MMP16: variants seen among roughly 807,000 people sequenced by gnomAD.
The protein encoded by MMP16 is matrix metalloproteinase-16.
MMP16 carries 12 observed loss-of-function variants against 67.8 expected under a neutral mutation model. The observed-to-expected ratio is 0.18, with a 90% CI of 0.11 to 0.29. MMP16 has a LOEUF of 0.29. Among genes scored for constraint, MMP16 ranks in the 10% least tolerant of loss-of-function variants. The pLI is 1.00. For synonymous variants in MMP16, 249 were observed against 255.9 expected (o/e 0.97, Z 0.26); for missense variants, 475 against 765.7 (o/e 0.62, Z 4.48).
chr8:88,176,102 G>A (rs761074600), intron 3 of MMP16, among the ~76,000 whole-genome samples: 2 of 152,048 alleles, frequency 1.3e-5, no homozygotes, highest in East Asian at 1.9e-4. Flanking sequence ...TTTGCACACC[G>A]GGACACTAAG....
chr8:88,150,851 C>G (rs1333712034), intron 4 of MMP16, among the ~76,000 whole-genome samples: 1 of 147,618 alleles, frequency 6.8e-6, no homozygotes, highest in Non-Finnish European at 1.5e-5. Context: ...GGATCAAATT[C>G]ACACATAACA....
intron 8 of MMP16, among the ~76,000 whole-genome samples, chr8:88,049,082 A>G (rs1722377075): frequency 6.6e-6 from 1 of 152,190 alleles, no homozygotes. Context: ...AGTTTACACC[A>G]AAAGGGAAAC....
chr8:88,138,879 G>A (rs2118496419), intron 4 of MMP16, among the ~76,000 whole-genome samples: 1 of 152,038 alleles, frequency 6.6e-6, no homozygotes, highest in South Asian at 2.1e-4. Context: ...ATCTCAATGG[G>A]AATGTTGGTT....
chr8:88,094,685 C>T (rs929516594), intron 6 of MMP16, among the ~76,000 whole-genome samples: 1 of 151,664 alleles, frequency 6.6e-6, no homozygotes, highest in African/African-American at 2.4e-5. Context: ...AGTAATACAT[C>T]TCAAAAGAAG....
chr8:88,199,947 T>A (rs1809315633), intron 1 of MMP16, among the ~76,000 whole-genome samples: 1 of 152,030 alleles, frequency 6.6e-6, no homozygotes, highest in African/African-American at 2.4e-5. Context: ...TTATCCATTC[T>A]TGTGTGCACT....
At chr8:88,111,672 T>C (rs944815862) in intron 6 of MMP16, among the ~76,000 whole-genome samples, 1 of 151,706 alleles carries the variant, frequency 6.6e-6, no homozygotes, top group Admixed American at 6.6e-5. Flanking sequence ...ATGCATTGTT[T>C]TACAATGTCA....
chr8:88,317,719 T>C (rs1811395561), intron 1 of MMP16, among the ~76,000 whole-genome samples: 1 of 152,160 alleles, frequency 6.6e-6, no homozygotes, highest in African/African-American at 2.4e-5. Context: ...AGTCCTTCTT[T>C]GATAGGTTAA....
At chr8:88,180,409 T>C (rs901362507) in intron 3 of MMP16, among the ~76,000 whole-genome samples, 2 of 151,534 alleles carry the variant, frequency 1.3e-5, no homozygotes, top group Non-Finnish European at 2.9e-5. Flanking sequence ...GCCTCAAATA[T>C]GAGGATACAG....
chr8:88,175,855 C>G (rs770879018), intron 3 of MMP16, among the ~76,000 whole-genome samples: 12 of 152,116 alleles, frequency 7.9e-5, no homozygotes, highest in Non-Finnish European at 1.2e-4. Flanking sequence ...CTCACGAGAT[C>G]AGATGGTTTT....
chr8:88,303,470 CT>C, intron 1 of MMP16, among the ~76,000 whole-genome samples: 1 of 152,338 alleles, frequency 6.6e-6, no homozygotes, highest in Non-Finnish European at 1.5e-5. Flanking sequence ...AGCCAGACTG[CT>C]TCTTTAAGTG....
intron 1 of MMP16, among the ~76,000 whole-genome samples, chr8:88,321,011 C>A (rs1811452215): frequency 6.6e-6 from 1 of 152,022 alleles, no homozygotes; most frequent in African/African-American, 2.4e-5. Context: ...AAATAACTTC[C>A]CCAAGTAAAA....
rs1229568696 is a variant in MMP16, at chr8:88,116,621, T to C, written c.969A>G (p.Pro323=). 1 of 1,613,782 alleles carries C rather than the reference T, an allele frequency of 6.2e-7. No individual in the cohort carries two copies. The highest frequency in any genetic ancestry group is 1.3e-5 in the African/African-American group (1 of 74,912). Residue 323 remains proline (P), a synonymous_variant, in exon 6 of 10, where the codon CCA becomes CCG. Transcript: ENST00000286614. ...PPADPRKNDR[P]KPPRPPTGRP... The stretch of plus-strand genomic sequence containing the variant: ...TGCCGGTTGGAGGCCGAGGAGGTTT[T>C]GGCCTGTCATTTTTCCTTGGGTCAG...
chr8:88,209,379 T>A (rs1173673448), intron 1 of MMP16, among the ~76,000 whole-genome samples: 3 of 152,312 alleles, frequency 2.0e-5, no homozygotes. Context: ...ATGATTTTCT[T>A]AATAACATTT....
At chr8:88,190,208 A>G (rs1226854713) in intron 2 of MMP16, among the ~76,000 whole-genome samples, 1 of 152,210 alleles carries the variant, frequency 6.6e-6, no homozygotes, top group Non-Finnish European at 1.5e-5. Context: ...AAAGTTGAGA[A>G]TACTCTATGT....
chr8:88,210,244 C>G (rs1809492753), intron 1 of MMP16, among the ~76,000 whole-genome samples: 1 of 152,194 alleles, frequency 6.6e-6, no homozygotes, highest in Non-Finnish European at 1.5e-5. Context: ...CTTCACCACT[C>G]AAACATACAG....
intron 4 of MMP16, among the ~76,000 whole-genome samples, chr8:88,159,392 T>A (rs1468108193): frequency 6.6e-6 from 1 of 152,198 alleles, no homozygotes; most frequent in Non-Finnish European, 1.5e-5. Flanking sequence ...CCTTGTAAGT[T>A]GAATTCCTAG....
chr8:88,287,258 C>CTATTTAAAATA (rs1810847045), intron 1 of MMP16, among the ~76,000 whole-genome samples: 1 of 152,196 alleles, frequency 6.6e-6, no homozygotes, highest in African/African-American at 2.4e-5. Context: ...TGACCTTTTT[C>CTATTTAAAATA]CAGCCCTTTG....
At chr8:88,133,839 T>C (rs1808075183) in intron 4 of MMP16, among the ~76,000 whole-genome samples, 1 of 151,824 alleles carries the variant, frequency 6.6e-6, no homozygotes. Flanking sequence ...ATATTAATTA[T>C]AATCACTTTT....
rs560319383 is a variant in MMP16, at chr8:88,066,465, C to T, written c.1222+8140G>A. Among the ~76,000 whole-genome samples the T allele has an allele frequency of 1.4e-4, 22 of 152,072 alleles. No homozygotes were observed. In the South Asian group the frequency reaches 3.7e-3, roughly 26 times the overall value. On this transcript the variant is annotated intron_variant, in intron 7 of 9. Coordinates refer to ENST00000286614, the MANE Select transcript of MMP16 (RefSeq NM_005941.5). ...TGGGTCTCTCTAAATAAAAAACAAA[C>T]ACCTTATGAGCATAAAGGAGAACGA...
Sources: allele counts gnomAD v4.1 joint callset (sites outside exome capture counted in the v4.1 genomes callset), GRCh38; gene constraint gnomAD v4.1.1; transcripts MANE v1.5; gene names NCBI Gene and HGNC (gene_info 2026-07-23, HGNC 2026-07-21).